PCDHGB4: variants seen among roughly 807,000 people sequenced by gnomAD.
PCDHGB4 encodes protocadherin gamma subfamily B, 4, also known as protocadherin gamma-B4.
In PCDHGB4, 38 loss-of-function variants were observed where a neutral mutation model predicts 60.5. That is an observed-to-expected ratio of 0.63 (90% CI 0.48 to 0.82). PCDHGB4 has a LOEUF of 0.82. PCDHGB4 is among the 40% of genes least tolerant of loss of function. The pLI is 0.00. For synonymous variants in PCDHGB4, 456 were observed against 509.7 expected, an observed-to-expected ratio of 0.89 and a Z score of 1.42; for missense variants, 1,109 against 1,209.6, an observed-to-expected ratio of 0.92 and a Z score of 1.23.
rs544565104 is a variant in PCDHGB4, at chr5:141,489,014, G to A, written c.2398-5793G>A. 2.5e-5 allele frequency: 11 copies of A among 433,976 alleles called. No individual in the cohort carries two copies. The highest frequency in any genetic ancestry group is 1.6e-4 in the Admixed American group (4 of 25,754). The allele number at this position is 433,976 out of a possible 1,614,324, so 26.9% of individuals were successfully genotyped here. On this transcript the variant is annotated intron_variant, in intron 1 of 3. Coordinates refer to ENST00000519479, the MANE Select transcript of PCDHGB4 (RefSeq NM_003736.4). This position sits in a 1 kb window ranked among gnomAD's most constrained non-coding sequence, Gnocchi z 4.5. ...GGTGGGAGATCTGCTCTTCCAGCCC[G>A]CCTCTCCTCCTCCAGCTCCCCAGCT... is the stretch of plus-strand genomic sequence containing the variant.
chr5:141,394,557 G>A (rs372165481), intron 1 of PCDHGB4: 23 of 1,613,964 alleles, frequency 1.4e-5, no homozygotes, highest in South Asian at 4.4e-5. Context: ...GCCCCGCTCC[G>A]CAGAGCGTGG....
Position 141,420,043 on chromosome 5 carries a change from G to T in PCDHGB4, c.2397+29762G>T, listed in dbSNP as rs747553514. On this transcript the variant is annotated intron_variant, in intron 1 of 3. Coordinates refer to ENST00000519479, the MANE Select transcript of PCDHGB4 (RefSeq NM_003736.4). ...GCCCTACTGCAGGAGACTGCTTTGAGTCAGTTCTCTGCTCCAAGTCCGGAC... is the reference window on the plus strand; with the variant it reads ...GCCCTACTGCAGGAGACTGCTTTGATTCAGTTCTCTGCTCCAAGTCCGGAC... The T allele has an allele frequency of 1.9e-6, 3 of 1,614,078 alleles. No individual in the cohort carries two copies. In the Admixed American group the frequency reaches 5.0e-5, roughly 27 times the overall value.
chr5:141,489,636 C>T lies in PCDHGB4; in HGVS notation c.2398-5171C>T. On this transcript the variant is annotated intron_variant, in intron 1 of 3. Coordinates refer to ENST00000519479, the MANE Select transcript of PCDHGB4 (RefSeq NM_003736.4). The surrounding 1 kb of genome is among the most constrained non-coding windows in gnomAD (Gnocchi z 4.5). ...TGGATCTCAATGACAACTCTCCTAG[C>T]TTTGCCACCCCTGAGCGAGAGATGC... 1.2e-6 allele frequency: 2 copies of T among 1,614,190 alleles called. No homozygotes were observed. The highest frequency in any genetic ancestry group is 1.7e-6 in the Non-Finnish European group (2 of 1,180,030).
chr5:141,432,093 C>A lies in PCDHGB4; in HGVS notation c.2397+41812C>A. The A allele has an allele frequency of 1.2e-6, 2 of 1,614,170 alleles. No homozygotes were observed. Among genetic ancestry groups the A allele is most frequent in the Non-Finnish European group, 1.7e-6 (2 of 1,180,046 alleles). On this transcript the variant is annotated intron_variant, in intron 1 of 3. Coordinates refer to ENST00000519479, the MANE Select transcript of PCDHGB4 (RefSeq NM_003736.4). The surrounding 1 kb of genome is among the most constrained non-coding windows in gnomAD (Gnocchi z 6.0). ...CATATCTCGCTGAACGTGGCAGACA[C>A]CAACGACAACCCGCCGGTCTTCCCT...
Position 141,390,061 on chromosome 5 carries a change from A to G in PCDHGB4, c.2177A>G (p.Gln726Arg). The part of the protein sequence containing the change: ...SSSPASWSCF[Q>R]PGLCVKSESV... The stretch of plus-strand genomic sequence containing the variant: ...AGCCCCGCCTCCTGGAGCTGCTTCC[A>G]GCCTGGTCTCTGTGTTAAATCCGAA... The change falls in exon 1 of 4, where the codon CAG (glutamine) becomes CGG (arginine). Residue 726 changes from glutamine (Q) to arginine (R), a missense_variant. Around this residue, in one of 2 missense-constraint regions of PCDHGB4, gnomAD observed 1,068 missense variants for 1,089.9 expected, o/e 0.98. Coordinates refer to ENST00000519479, the MANE Select transcript of PCDHGB4 (RefSeq NM_003736.4). 1 of 1,614,016 alleles carries G rather than the reference A, an allele frequency of 6.2e-7. No homozygotes were observed. Among genetic ancestry groups the G allele is most frequent in the East Asian group, 2.2e-5 (1 of 44,884 alleles).
At position 141,485,129 on chromosome 5, in the gene PCDHGB4, T is replaced by G. The variant is rs761201450; in HGVS notation, c.2398-9678T>G. 2.1e-6 allele frequency: 3 copies of G among 1,462,964 alleles called. No individual in the cohort carries two copies. Among genetic ancestry groups the G allele is most frequent in the Non-Finnish European group, 2.8e-6 (3 of 1,053,766 alleles). 90.6% of individuals were successfully genotyped at this position (1,462,964 alleles called of 1,614,324 possible). A position where few individuals can be genotyped will look rare whatever the true frequency, so the allele number is the denominator to read the frequency against. On this transcript the variant is annotated intron_variant, in intron 1 of 3. Coordinates refer to ENST00000519479, the MANE Select transcript of PCDHGB4 (RefSeq NM_003736.4). The surrounding 1 kb of genome is among the most constrained non-coding windows in gnomAD (Gnocchi z 5.7). ...TGTGGCTGTTTGGGGCGGGTCGGCT[T>G]CATCCGCGTCTCAGGAGCAAGTAGA...
chr5:141,479,328 G>A (rs568506786), intron 1 of PCDHGB4: 1 of 152,654 alleles, frequency 6.6e-6, no homozygotes, highest in East Asian at 1.9e-4. Flanking sequence ...CAGACTCAGT[G>A]GTGTGCACCT....
At chr5:141,393,029 G>A in intron 1 of PCDHGB4, 1 of 1,613,754 alleles carries the variant, frequency 6.2e-7, no homozygotes, top group Non-Finnish European at 8.5e-7. Context: ...GAGGTAGGAC[G>A]CAGCTCTTTG....
At position 141,432,273 on chromosome 5, in the gene PCDHGB4, T is replaced by G. The variant is rs199937628; in HGVS notation, c.2397+41992T>G. 6.8e-6 allele frequency: 11 copies of G among 1,614,238 alleles called. No individual in the cohort carries two copies. In the Admixed American group the frequency reaches 1.7e-4, roughly 24 times the overall value. ...CAAGGGGCAAGCCTATCGTCCTACG[T>G]GTCCATCAACTCCGACACTGGGGTA... On this transcript the variant is annotated intron_variant, in intron 1 of 3. Coordinates refer to ENST00000519479, the MANE Select transcript of PCDHGB4 (RefSeq NM_003736.4). This position sits in a 1 kb window ranked among gnomAD's most constrained non-coding sequence, Gnocchi z 6.0.
At position 141,487,267 on chromosome 5, in the gene PCDHGB4, G is replaced by A; in HGVS notation, c.2398-7540G>A. 3 of 1,614,134 alleles carry A rather than the reference G, an allele frequency of 1.9e-6. No individual in the cohort carries two copies. The highest frequency in any genetic ancestry group is 2.5e-6 in the Non-Finnish European group (3 of 1,180,024). ...CCCTCTACTTGGCTGTGTCCCTAGT[G>A]GCAATTTGCTTTGTCTCCTTTGGCT... is the stretch of plus-strand genomic sequence containing the variant. On this transcript the variant is annotated intron_variant, in intron 1 of 3. Transcript: ENST00000519479. The surrounding 1 kb of genome is among the most constrained non-coding windows in gnomAD (Gnocchi z 5.0).
chr5:141,398,317 C>G (rs1364315924), intron 1 of PCDHGB4: 1 of 1,349,834 alleles, frequency 7.4e-7, no homozygotes, highest in Non-Finnish European at 1.0e-6. Flanking sequence ...GTTACCGACT[C>G]GAAAACTGCG....
chr5:141,502,864 G>GGCTTTTTT (rs2099816401), intron 2 of PCDHGB4, among the ~76,000 whole-genome samples: 1 of 61,572 alleles, frequency 1.6e-5, no homozygotes, highest in Non-Finnish European at 3.0e-5. Flanking sequence ...CTGACTCTCT[G>GGCTTTTTT]TCTTTTTTTT....
chr5:141,420,304 T>C, intron 1 of PCDHGB4: 1 of 1,462,822 alleles, frequency 6.8e-7, no homozygotes, highest in African/African-American at 1.4e-5. Context: ...TTTAATCCTT[T>C]TTATATTACA....
chr5:141,418,928 A>T (rs762769886), intron 1 of PCDHGB4: 1 of 1,613,978 alleles, frequency 6.2e-7, no homozygotes, highest in East Asian at 2.2e-5. Context: ...TGATCAGATT[A>T]TGGAGGATTC....
chr5:141,398,938 G>T (rs201463346), intron 1 of PCDHGB4: 467 of 1,613,840 alleles, frequency 2.9e-4, no homozygotes, highest in Non-Finnish European at 3.7e-4. Context: ...TGACCAAGAC[G>T]AGGGCATCAA....
Position 141,393,407 on chromosome 5 carries a change from C to T in PCDHGB4, c.2397+3126C>T, listed in dbSNP as rs766086453. ...TAAACCCAGAGCTGGTGCTGGAGCG[C>T]GCCCTGGACAGGGAGGAAGAGGCTG... On this transcript the variant is annotated intron_variant, in intron 1 of 3. Transcript: ENST00000519479. 3.1e-6 allele frequency: 5 copies of T among 1,614,056 alleles called. No individual in the cohort carries two copies. In the South Asian group the frequency reaches 5.5e-5, roughly 18 times the overall value.
Position 141,432,923 on chromosome 5 carries a change from T to C in PCDHGB4, c.2397+42642T>C. ...GCTCAGGCTGCGGCGCTGGCACAAG[T>C]CACGCCTGCTGCAGGCTTCAGGAGG... On this transcript the variant is annotated intron_variant, in intron 1 of 3. Coordinates refer to ENST00000519479, the MANE Select transcript of PCDHGB4 (RefSeq NM_003736.4). This position sits in a 1 kb window ranked among gnomAD's most constrained non-coding sequence, Gnocchi z 6.0. The C allele has an allele frequency of 6.2e-7, 1 of 1,614,186 alleles. No homozygotes were observed. Among genetic ancestry groups the C allele is most frequent in the Non-Finnish European group, 8.5e-7 (1 of 1,180,034 alleles).
chr5:141,457,649 A>C (rs1303184316), intron 1 of PCDHGB4, among the ~76,000 whole-genome samples: 1 of 152,282 alleles, frequency 6.6e-6, no homozygotes, highest in Non-Finnish European at 1.5e-5. Context: ...TATTTGCATG[A>C]AGTGCAGCAA....
intron 1 of PCDHGB4, among the ~76,000 whole-genome samples, chr5:141,473,719 T>C (rs998018115): frequency 6.6e-6 from 1 of 152,124 alleles, no homozygotes; most frequent in African/African-American, 2.4e-5. Context: ...CAATGGAATA[T>C]AGTGAGAGAG....
Sources: allele counts gnomAD v4.1 joint callset (sites outside exome capture counted in the v4.1 genomes callset), GRCh38; gene constraint gnomAD v4.1.1; regional missense constraint gnomAD v4.1.1; non-coding constraint Gnocchi (gnomAD v3.1); transcripts MANE v1.5; gene names NCBI Gene and HGNC (gene_info 2026-07-23, HGNC 2026-07-21).